OTUB2: variants seen among roughly 807,000 people sequenced by gnomAD.
The protein encoded by OTUB2 is ubiquitin thioesterase OTUB2.
A neutral mutation model predicts 25.1 loss-of-function variants in OTUB2; 21 were observed. That is an observed-to-expected ratio of 0.84 (90% CI 0.59 to 1.21). OTUB2 has a LOEUF of 1.21. Ranked by LOEUF, OTUB2 falls within the 50% of genes most tolerant of loss-of-function variation. OTUB2 has a pLI of 0.00. For missense variants in OTUB2, 283 were observed against 298.0 expected (o/e 0.95, Z 0.37); for synonymous variants, 122 against 122.8 (o/e 0.99, Z 0.04).
intron 3 of OTUB2, among the ~76,000 whole-genome samples, chr14:94,040,125 G>A (rs1174538558): frequency 2.0e-5 from 3 of 152,064 alleles, no homozygotes; most frequent in Non-Finnish European, 4.4e-5. Context: ...GAAAAAAGTC[G>A]ACCCTATCTG....
chr14:94,035,026 T>A (rs1368512771), intron 1 of OTUB2, among the ~76,000 whole-genome samples: 1 of 152,216 alleles, frequency 6.6e-6, no homozygotes, highest in Non-Finnish European at 1.5e-5. Context: ...ACAGAAGCCC[T>A]TGGCACCTGC....
chr14:94,035,205 C>T (rs1285951297), intron 1 of OTUB2, among the ~76,000 whole-genome samples: 3 of 152,016 alleles, frequency 2.0e-5, no homozygotes, highest in African/African-American at 7.2e-5. Flanking sequence ...CCCTTCTTCC[C>T]ACCCCCCAAG....
In OTUB2 at chr14:94,047,333, G is replaced by A. The variant is rs987607986; in HGVS notation, c.*1411G>A. On this transcript the variant is annotated 3_prime_UTR_variant, in exon 6 of 6. Coordinates refer to ENST00000203664, the MANE Select transcript of OTUB2 (RefSeq NM_023112.4). ...TCCTCAGAGTCCTCTTGACACAAAT[G>A]TCAGATTTGTGTCACTCTTCTGCCT... 2 of 152,178 alleles carry A rather than the reference G, an allele frequency of 1.3e-5. No individual in the cohort carries two copies. The highest frequency in any genetic ancestry group is 1.3e-4 in the Admixed American group (2 of 15,278). 9.4% of individuals were successfully genotyped at this position (152,178 alleles called of 1,614,324 possible). A position where few individuals can be genotyped will look rare whatever the true frequency, so the allele number is the denominator to read the frequency against.
In OTUB2 at chr14:94,039,457, A is replaced by T. The variant is rs371932407; in HGVS notation, c.218+376A>T. ...ATAATTCCTGTTGACCTTGGTGTGG[A>T]GTGTGTGTGACCCAGGCATTCAGCT... On this transcript the variant is annotated intron_variant, in intron 3 of 5. Coordinates refer to ENST00000203664, the MANE Select transcript of OTUB2 (RefSeq NM_023112.4). 47 of 231,654 alleles carry T rather than the reference A, an allele frequency of 2.0e-4. No homozygotes were observed. The East Asian group carries it at 3.2e-3, about 16-fold the overall frequency. The allele number at this position is 231,654 out of a possible 1,614,324, so 14.3% of individuals were successfully genotyped here.
chr14:94,045,844 T>C lies in OTUB2; in HGVS notation c.627T>C (p.Pro209=). ...CCGCCCTGAACCACCACGTGTTCCC[T>C]GAGGCCGCCACCCCTTCCGTTTACC... is the stretch of plus-strand genomic sequence containing the variant. ...MDTALNHHVF[P]EAATPSVYLL... The change falls in exon 6 of 6, where the codon CCT becomes CCC. Residue 209 remains proline, a synonymous_variant. Transcript: ENST00000203664. The C allele has an allele frequency of 6.2e-7, 1 of 1,614,206 alleles. No homozygotes were observed.
At chr14:94,027,368 G>A (rs535135611) in intron 1 of OTUB2, among the ~76,000 whole-genome samples, 1 of 152,320 alleles carries the variant, frequency 6.6e-6, no homozygotes, top group Admixed American at 6.5e-5. Context: ...CAGGGGACTG[G>A]GTGGCATGGC....
chr14:94,032,240 C>G (rs956983744), intron 1 of OTUB2, among the ~76,000 whole-genome samples: 2 of 152,142 alleles, frequency 1.3e-5, no homozygotes, highest in Non-Finnish European at 2.9e-5. Flanking sequence ...GCCCAAGGTT[C>G]CATCACCTGC....
chr14:94,028,881 G>A (rs759330628), intron 1 of OTUB2, among the ~76,000 whole-genome samples: 20 of 152,212 alleles, frequency 1.3e-4, no homozygotes, highest in Non-Finnish European at 2.4e-4. Context: ...GTTGAAGGAT[G>A]TATATGAGTG....
Position 94,045,939 on chromosome 14 carries a change from C to T in OTUB2, c.*17C>T, listed in dbSNP as rs752176065. 1 of 1,610,242 alleles carries T rather than the reference C, an allele frequency of 6.2e-7. No homozygotes were observed. The highest frequency in any genetic ancestry group is 1.7e-5 in the Admixed American group (1 of 59,992). ...AAACATTGATTAATTTTAGGCCATG[C>T]AGTGGAACCTGTCACCTAATGGGAC... On this transcript the variant is annotated 3_prime_UTR_variant, in exon 6 of 6. Transcript: ENST00000203664.
At chr14:94,044,542 T>TG (rs1231146709) in intron 4 of OTUB2, 44 bp from the exon 5 acceptor site, 2 of 1,570,604 alleles carry the variant, frequency 1.3e-6, no homozygotes, top group South Asian at 2.3e-5. Flanking sequence ...GAGGGAGGGC[T>TG]GGGGCTTGCT....
intron 1 of OTUB2, among the ~76,000 whole-genome samples, chr14:94,036,719 G>A (rs990356327): frequency 1.4e-4 from 21 of 152,142 alleles, no homozygotes; most frequent in African/African-American, 5.1e-4. Flanking sequence ...CCAGAGCTGG[G>A]CTGTAGTGTA....
chr14:94,043,930 G>C (rs776544240), intron 3 of OTUB2, 41 bp from the exon 4 acceptor site: 1 of 1,562,124 alleles, frequency 6.4e-7, no homozygotes, highest in Admixed American at 1.7e-5. Context: ...CAGCACTCTC[G>C]CTGTGTTTCC....
chr14:94,032,774 G>A (rs991893237), intron 1 of OTUB2, among the ~76,000 whole-genome samples: 1 of 152,172 alleles, frequency 6.6e-6, no homozygotes, highest in Admixed American at 6.5e-5. Flanking sequence ...GGGGCATGGG[G>A]GCATGGAGGA....
At chr14:94,040,910 C>T (rs768593369) in intron 3 of OTUB2, among the ~76,000 whole-genome samples, 17 of 152,166 alleles carry the variant, frequency 1.1e-4, no homozygotes, top group Non-Finnish European at 2.2e-4. Flanking sequence ...CGGCAGGGCA[C>T]ATAGGGCCTT....
intron 1 of OTUB2, among the ~76,000 whole-genome samples, chr14:94,036,434 T>C (rs1185392329): frequency 1.3e-5 from 2 of 152,174 alleles, no homozygotes; most frequent in African/African-American, 2.4e-5. Context: ...TAACACCATG[T>C]CTCTCACAGT....
At chr14:94,043,224 G>C (rs938011658) in intron 3 of OTUB2, among the ~76,000 whole-genome samples, 1 of 152,250 alleles carries the variant, frequency 6.6e-6, no homozygotes, top group African/African-American at 2.4e-5. Context: ...CCTGGGTGCT[G>C]TCAGAGCCTC....
chr14:94,026,662 CCCCG>C, intron 1 of OTUB2, 122 bp downstream of exon 1: 1 of 1,070,758 alleles, frequency 9.3e-7, no homozygotes. Context: ...CCCAGCTCGC[CCCCG>C]CCGCTTTCCG....
At chr14:94,031,297 A>G (rs1311009342) in intron 1 of OTUB2, among the ~76,000 whole-genome samples, 1 of 152,084 alleles carries the variant, frequency 6.6e-6, no homozygotes, top group Non-Finnish European at 1.5e-5. Flanking sequence ...CATATGTCAC[A>G]TATCATACCC....
intron 1 of OTUB2, among the ~76,000 whole-genome samples, chr14:94,035,435 T>C (rs997733587): frequency 7.9e-5 from 12 of 152,060 alleles, no homozygotes; most frequent in African/African-American, 2.2e-4. Flanking sequence ...ATTACGGGCA[T>C]GTGCCACCAT....
Sources: gnomAD v4.1 joint callset for allele counts (sites outside exome capture counted in the v4.1 genomes callset) on GRCh38, gnomAD v4.1.1 for gene constraint, MANE v1.5 for transcripts, NCBI Gene and HGNC (gene_info 2026-07-23, HGNC 2026-07-21) for gene names.